Variants in SNCAIP observed in about 807,000 individuals in gnomAD.
SNCAIP encodes the protein synuclein alpha interacting protein.
In SNCAIP, 43 loss-of-function variants were observed where a neutral mutation model predicts 86.7. That is an observed-to-expected ratio of 0.50 (90% CI 0.39 to 0.64). SNCAIP has a LOEUF of 0.64. Among genes scored for constraint, SNCAIP ranks in the 30% least tolerant of loss-of-function variants. The pLI is 0.00. For missense variants in SNCAIP, 981 were observed against 1,103.1 expected (o/e 0.89, Z 1.57); for synonymous variants, 417 against 427.2 (o/e 0.98, Z 0.29).
intron 1 of SNCAIP, among the ~76,000 whole-genome samples, chr5:122,380,967 G>A (rs1226171847): frequency 8.2e-5 from 12 of 146,140 alleles, no homozygotes; most frequent in African/African-American, 3.2e-4. Context: ...CCAAGTATGT[G>A]GTCAATTTTG....
chr5:122,441,006 T>G (rs1780758671), intron 7 of SNCAIP: 2 of 474,144 alleles, frequency 4.2e-6, no homozygotes, highest in Admixed American at 3.3e-5. Context: ...TTATCACTGC[T>G]CTAAAGCCCC....
At chr5:122,341,721 T>C (rs566046528) in intron 1 of SNCAIP, among the ~76,000 whole-genome samples, 1 of 152,174 alleles carries the variant, frequency 6.6e-6, no homozygotes, top group African/African-American at 2.4e-5. Context: ...CTTCATCTCT[T>C]GGGGATCTGT....
At chr5:122,435,040 AC>A (rs3841119) in intron 6 of SNCAIP, among the ~76,000 whole-genome samples, 30,938 of 152,086 alleles carry the variant, frequency 0.2, 3,585 homozygotes, top group South Asian at 0.29. Context: ...TGTAAAAATT[AC>A]CTTTAAAGAC....
At chr5:122,341,761 A>G (rs1392816083) in intron 1 of SNCAIP, among the ~76,000 whole-genome samples, 3 of 152,170 alleles carry the variant, frequency 2.0e-5, no homozygotes, top group Non-Finnish European at 4.4e-5. Context: ...AGCAGGCTCC[A>G]ACCATGTAAA....
Position 122,451,489 on chromosome 5 carries a change from A to G in SNCAIP, c.2642A>G (p.Tyr881Cys). 6.2e-7 allele frequency: 1 copy of G among 1,613,780 alleles called. No homozygotes were observed. Among genetic ancestry groups the G allele is most frequent in the Non-Finnish European group, 8.5e-7 (1 of 1,179,938 alleles). Residue 881 changes from tyrosine to cysteine, a missense_variant, in exon 10 of 11, where the codon TAC (tyrosine) becomes TGC (cysteine). Tyr to Cys is a radical substitution (Grantham distance 194). Coordinates refer to ENST00000261368, the MANE Select transcript of SNCAIP (RefSeq NM_005460.4). ...GGCAACCAAAACAATAATAATAACT[A>G]CCAGGCAGCCAACCAGCTGAAAACC... ...LSGNQNNNNN[Y>C]QAANQLKTST...
intron 1 of SNCAIP, among the ~76,000 whole-genome samples, chr5:122,378,520 G>A (rs1765893817): frequency 7.0e-6 from 1 of 142,416 alleles, no homozygotes; most frequent in South Asian, 2.6e-4. Flanking sequence ...AGTTTCTTTT[G>A]CTGTGCAGAA....
At chr5:122,414,297 C>A (rs542444249) in intron 3 of SNCAIP, among the ~76,000 whole-genome samples, 1 of 150,832 alleles carries the variant, frequency 6.6e-6, no homozygotes, top group South Asian at 2.1e-4. Flanking sequence ...ATGGCACAAT[C>A]TCAGCTCACT....
intron 1 of SNCAIP, among the ~76,000 whole-genome samples, chr5:122,337,638 A>T (rs946328245): frequency 1.3e-5 from 2 of 152,126 alleles, no homozygotes. Context: ...TCCTGGGTTC[A>T]AGTGATTTTC....
At chr5:122,371,111 T>C (rs1764175436) in intron 1 of SNCAIP, among the ~76,000 whole-genome samples, 1 of 151,894 alleles carries the variant, frequency 6.6e-6, no homozygotes, top group Admixed American at 6.6e-5. Flanking sequence ...ACCAGGAGTT[T>C]GAGACCAGCC....
At chr5:122,356,946 T>C (rs896369832) in intron 1 of SNCAIP, among the ~76,000 whole-genome samples, 38 of 152,186 alleles carry the variant, frequency 2.5e-4, no homozygotes, top group African/African-American at 9.2e-4. Context: ...CTCAATACTC[T>C]TCTACTTGAA....
chr5:122,455,144 T>TATA (rs1784491310), intron 10 of SNCAIP, among the ~76,000 whole-genome samples: 1 of 152,178 alleles, frequency 6.6e-6, no homozygotes, highest in Non-Finnish European at 1.5e-5. Context: ...AACCTATACT[T>TATA]TATCATGGTT....
rs756550800 is a variant in SNCAIP at position 122,450,634 on chromosome 5, A to G, written c.1787A>G (p.Gln596Arg). 2.5e-6 allele frequency: 4 copies of G among 1,613,746 alleles called. No individual in the cohort carries two copies. In the South Asian group the frequency reaches 4.4e-5, roughly 18 times the overall value. Residue 596 changes from glutamine (Q) to arginine (R), a missense_variant, in exon 10 of 11, where the codon CAG (glutamine) becomes CGG (arginine). Gln to Arg is a conservative substitution (Grantham distance 43). Coordinates refer to ENST00000261368, the MANE Select transcript of SNCAIP (RefSeq NM_005460.4). The part of the protein sequence containing the change: ...KSKPGVQEGI[Q>R]VLGSLSASSR... ...AAGCCAGGAGTCCAAGAGGGGATTC[A>G]GGTTCTTGGAAGCCTGTCAGCCTCC...
At chr5:122,446,665 G>T (rs902517540) in intron 8 of SNCAIP, among the ~76,000 whole-genome samples, 1 of 152,150 alleles carries the variant, frequency 6.6e-6, no homozygotes, top group African/African-American at 2.4e-5. Flanking sequence ...TGTATATCTA[G>T]GTGAAGTTGG....
At chr5:122,402,726 A>G (rs572096566) in intron 2 of SNCAIP, among the ~76,000 whole-genome samples, 2 of 152,290 alleles carry the variant, frequency 1.3e-5, no homozygotes, top group Admixed American at 6.5e-5. Context: ...CACATTCTTC[A>G]CTTGTAATGC....
At chr5:122,359,636 A>G (rs2152763438) in intron 1 of SNCAIP, among the ~76,000 whole-genome samples, 1 of 152,210 alleles carries the variant, frequency 6.6e-6, no homozygotes, top group South Asian at 2.1e-4. Context: ...AAGTGCTAGG[A>G]TTACAGGTGT....
At chr5:122,462,502 CTTCCCT>C (rs528462350) in intron 10 of SNCAIP, among the ~76,000 whole-genome samples, 109 of 152,306 alleles carry the variant, frequency 7.2e-4, no homozygotes, top group Non-Finnish European at 1.3e-3. Flanking sequence ...TCTTTCACCT[CTTCCCT>C]TTCCCTTTCT....
chr5:122,324,466 G>A (rs900352843), intron 1 of SNCAIP, among the ~76,000 whole-genome samples: 20 of 152,166 alleles, frequency 1.3e-4, no homozygotes, highest in Admixed American at 7.2e-4. Context: ...CAATGTATAC[G>A]AGTATCTTTC....
chr5:122,387,166 G>T (rs1768331804), intron 1 of SNCAIP, among the ~76,000 whole-genome samples: 1 of 152,056 alleles, frequency 6.6e-6, no homozygotes, highest in African/African-American at 2.4e-5. Flanking sequence ...TTGTTTGTTT[G>T]TTTGTTTTTT....
intron 10 of SNCAIP, among the ~76,000 whole-genome samples, chr5:122,462,025 GTATCTT>G (rs1353057975): frequency 6.6e-6 from 1 of 152,178 alleles, no homozygotes; most frequent in Non-Finnish European, 1.5e-5. Context: ...ATACAAATGC[GTATCTT>G]TATCTTCCTT....
Sources: gnomAD v4.1 joint callset for allele counts (sites outside exome capture counted in the v4.1 genomes callset) on GRCh38, gnomAD v4.1.1 for gene constraint, MANE v1.5 for transcripts, NCBI Gene and HGNC (gene_info 2026-07-23, HGNC 2026-07-21) for gene names.